RCE1: variants seen among roughly 807,000 people sequenced by gnomAD.
The protein encoded by RCE1 is Ras converting CAAX endopeptidase 1, also known as CAAX prenyl protease 2.
A neutral mutation model predicts 35.0 loss-of-function variants in RCE1; 15 were observed. The ratio of observed to expected loss-of-function variants is 0.43; its 90% confidence interval spans 0.29 to 0.66. The LOEUF is 0.66. Ranked by LOEUF, RCE1 falls within the 30% of genes least tolerant of loss-of-function variation. The probability of loss-of-function intolerance (pLI) is 0.17; values close to 1 mark genes in which losing one functional copy is unlikely to be tolerated. For synonymous variants in RCE1, 261 were observed against 192.7 expected (o/e 1.35, Z -2.94); for missense variants, 434 against 433.0 (o/e 1.00, Z -0.02).
rs1280658939 is a variant in RCE1, at chr11:66,845,964, G to A, written c.859G>A (p.Gly287Ser). The A allele has an allele frequency of 6.2e-7, 1 of 1,613,880 alleles. No homozygotes were observed. Among genetic ancestry groups the A allele is most frequent in the East Asian group, 2.2e-5 (1 of 44,886 alleles). ...CCCACAGAGGCGGCCCCTGCTGGCA[G>A]GCTATGCCCTGGGTGTGGGACTCTT... ...EHPQRRPLLA[G>S]YALGVGLFLL... Residue 287 changes from glycine to serine, a missense_variant, in exon 8 of 8, where the codon GGC (glycine) becomes AGC (serine). Transcript: ENST00000309657.
rs778528982 is a variant in RCE1, at chr11:66,843,686, C to T, written c.185+46C>T. 58 of 1,602,976 alleles carry T rather than the reference C, an allele frequency of 3.6e-5. 1 individual carries two copies. The highest frequency in any genetic ancestry group is 3.9e-5 in the Non-Finnish European group (46 of 1,175,464). On this transcript the variant is annotated intron_variant, in intron 1 of 7. Transcript: ENST00000309657. ...CGGAATCCGCGCCCTGCGGGCGGAG[C>T]TTGGGCGAGCCGGGGGCGGGTCCGT...
intron 6 of RCE1, 35 bp downstream of exon 6, chr11:66,845,272 A>T: frequency 6.2e-7 from 1 of 1,613,928 alleles, no homozygotes; most frequent in Non-Finnish European, 8.5e-7. Context: ...GTTAGGGTGT[A>T]TGATGATGTC....
intron 7 of RCE1, 105 bp downstream of exon 7, chr11:66,845,667 G>C: frequency 2.6e-6 from 4 of 1,562,918 alleles, no homozygotes; most frequent in South Asian, 1.1e-5. Flanking sequence ...TCCAGTCCTT[G>C]AGACAGGCTG....
chr11:66,843,770 C>T lies in RCE1; in HGVS notation c.197C>T (p.Ala66Val), dbSNP rs545064317. ...TGTCCCCTCCGTAGGGACCATCCCG[C>T]GGTCATCAAGCGACGCTTCACCAGC... ...WKSELPRDHP[A>V]VIKRRFTSVL... The change falls in exon 2 of 8, where the codon GCG (alanine) becomes GTG (valine). Residue 66 changes from alanine to valine, a missense_variant. By Grantham distance (64) the Ala-to-Val change is moderately conservative (BLOSUM62 0). Coordinates refer to ENST00000309657, the MANE Select transcript of RCE1 (RefSeq NM_005133.3). The T allele has an allele frequency of 2.2e-5, 36 of 1,613,738 alleles. No individual in the cohort carries two copies. The South Asian group carries it at 3.0e-4, about 13-fold the overall frequency.
At position 66,846,535 on chromosome 11, in the gene RCE1, T is replaced by TA. The variant is rs1300423094; in HGVS notation, c.*440_*441insA. On this transcript the variant is annotated 3_prime_UTR_variant, in exon 8 of 8. Coordinates refer to ENST00000309657, the MANE Select transcript of RCE1 (RefSeq NM_005133.3). ...AGATTTAACTTGGGTAACATGGCCT[T>TA]GGGCCTTTGGGAATCGGTCTATTTG... The TA allele has an allele frequency of 6.3e-6, 1 of 159,072 alleles. No individual in the cohort carries two copies. The highest frequency in any genetic ancestry group is 1.4e-5 in the Non-Finnish European group (1 of 72,576). The allele number at this position is 159,072 out of a possible 1,614,324, so 9.9% of individuals were successfully genotyped here.
At position 66,844,057 on chromosome 11, in the gene RCE1, ATTT is replaced by A; in HGVS notation, c.372+22_372+24del. ...TGACCATGGTGAGTGCTCCTGCTGT[ATTT>A]TTTCTTCTGGTCTTTGTTATCAGCC... On this transcript the variant is annotated intron_variant, in intron 3 of 7. Transcript: ENST00000309657. The A allele has an allele frequency of 6.2e-7, 1 of 1,613,500 alleles. No homozygotes were observed. The highest frequency in any genetic ancestry group is 8.5e-7 in the Non-Finnish European group (1 of 1,179,934).
rs201456801 is a variant in RCE1, at chr11:66,846,013, C to T, written c.908C>T (p.Thr303Met). Residue 303 changes from threonine to methionine, a missense_variant, in exon 8 of 8, where the codon ACG becomes ATG. Physicochemically the swap from Thr to Met is moderately conservative, Grantham distance 81 (BLOSUM62 -1). Coordinates refer to ENST00000309657, the MANE Select transcript of RCE1 (RefSeq NM_005133.3). ...GLFLLLLQPL[T>M]DPKLYGSLPL... ...TTCCTGCTTCTGCTCCAGCCCCTCA[C>T]GGACCCCAAGCTCTACGGCAGCCTT... The T allele has an allele frequency of 9.9e-6, 16 of 1,613,910 alleles. No individual in the cohort carries two copies. The Admixed American group carries it at 1.2e-4, about 12-fold the overall frequency.
In RCE1 at chr11:66,843,998, G is replaced by A; in HGVS notation, c.331G>A (p.Gly111Ser). The A allele has an allele frequency of 6.2e-7, 1 of 1,614,136 alleles. No homozygotes were observed. Among genetic ancestry groups the A allele is most frequent in the African/African-American group, 1.3e-5 (1 of 75,042 alleles). The change falls in exon 3 of 8, where the codon GGC becomes AGC. Residue 111 changes from glycine to serine, a missense_variant. By Grantham distance (56) the Gly-to-Ser change is moderately conservative (BLOSUM62 0). Transcript: ENST00000309657. ...CACCCTGATGGGCTTCAGGCTGGAG[G>A]GCATTTTCCCAGCGGCGCTGCTGCC... ...LLTLMGFRLE[G>S]IFPAALLPLL...
chr11:66,846,081 C>T lies in RCE1; in HGVS notation c.976C>T (p.Pro326Ser), dbSNP rs1420535898. 2 of 1,609,334 alleles carry T rather than the reference C, an allele frequency of 1.2e-6. No homozygotes were observed. Among genetic ancestry groups the T allele is most frequent in the South Asian group, 1.1e-5 (1 of 90,806 alleles). ...GGAGCGGGCAGGGGACTCAGAGGCTCCCCTGTGCTCCTGACCTATGCTCCT... is the reference window on the plus strand; with the variant it reads ...GGAGCGGGCAGGGGACTCAGAGGCTTCCCTGTGCTCCTGACCTATGCTCCT... ...LLERAGDSEA[P>S]LCS Residue 326 changes from proline (P) to serine (S), a missense_variant, in exon 8 of 8, where the codon CCC becomes TCC. Pro to Ser is a moderately conservative substitution (Grantham distance 74, BLOSUM62 -1). Transcript: ENST00000309657.
At chr11:66,844,150 T>C (rs1277307536) in intron 3 of RCE1, 111 bp downstream of exon 3, 4 of 1,589,128 alleles carry the variant, frequency 2.5e-6, no homozygotes, top group Non-Finnish European at 3.4e-6. Context: ...ACTTTTGAGA[T>C]GGCCCCAGGG....
At position 66,845,228 on chromosome 11, in the gene RCE1, T is replaced by C; in HGVS notation, c.682T>C (p.Leu228=). The change falls in exon 6 of 8, where the codon TTG becomes CTG. Residue 228 remains leucine, a synonymous_variant. Transcript: ENST00000309657. ...CCAGAGCAGCGTGGGGAACATCTTCTTGTCTGCTGGTGAGTCCTGGCTAGC... is the reference window on the plus strand; with the variant it reads ...CCAGAGCAGCGTGGGGAACATCTTCCTGTCTGCTGGTGAGTCCTGGCTAGC... The part of the protein sequence containing the change: ...FRQSSVGNIF[L]SAAFQFSYTA... 1 of 1,614,236 alleles carries C rather than the reference T, an allele frequency of 6.2e-7. No individual in the cohort carries two copies. Among genetic ancestry groups the C allele is most frequent in the Non-Finnish European group, 8.5e-7 (1 of 1,180,044 alleles).
intron 4 of RCE1, 58 bp downstream of exon 4, chr11:66,844,422 G>T: frequency 6.3e-7 from 1 of 1,596,192 alleles, no homozygotes; most frequent in South Asian, 1.1e-5. Context: ...CATTGGGGCA[G>T]GGAGTCAGCG....
intron 4 of RCE1, 101 bp downstream of exon 4, chr11:66,844,465 C>T (rs574265606): frequency 5.5e-6 from 8 of 1,459,752 alleles, no homozygotes; most frequent in Non-Finnish European, 5.7e-6. Flanking sequence ...CGTGAAATGT[C>T]ATCTCTCTGG....
At chr11:66,843,901 C>G in intron 2 of RCE1, 40 bp downstream of exon 2, 1 of 1,613,986 alleles carries the variant, frequency 6.2e-7, no homozygotes, top group Non-Finnish European at 8.5e-7. Flanking sequence ...GCGGTGAGAG[C>G]TCAGGGGTCT....
rs1945213102 is a variant in RCE1, at chr11:66,846,505, TAA to T, written c.*412_*413del. 1 of 158,814 alleles carries T rather than the reference TAA, an allele frequency of 6.3e-6. No homozygotes were observed. Among genetic ancestry groups the T allele is most frequent in the African/African-American group, 2.5e-5 (1 of 39,350 alleles). 9.8% of individuals were successfully genotyped at this position (158,814 alleles called of 1,614,324 possible). On this transcript the variant is annotated 3_prime_UTR_variant, in exon 8 of 8. Transcript: ENST00000309657. Reference sequence around the variant, plus strand: ...GCATCAGTACTTTGTATTGGGATATTAAAGAGATTTAACTTGGGTAACATGGC... The same window carrying T: ...GCATCAGTACTTTGTATTGGGATATTAGAGATTTAACTTGGGTAACATGGC...
chr11:66,843,509 G>C lies in RCE1; in HGVS notation c.54G>C (p.Glu18Asp), dbSNP rs1258918933. Residue 18 changes from glutamate to aspartate, a missense_variant, in exon 1 of 8, where the codon GAG (glutamate) becomes GAC (aspartate). Transcript: ENST00000309657. ...GLRLLSVSRPERPPESAALGG... is the reference protein window; with the variant it reads ...GLRLLSVSRPDRPPESAALGG... The stretch of plus-strand genomic sequence containing the variant: ...GACTGCTGTCGGTGTCGCGGCCGGA[G>C]CGGCCGCCCGAGTCGGCGGCGCTGG... 1 of 1,494,078 alleles carries C rather than the reference G, an allele frequency of 6.7e-7. No individual in the cohort carries two copies. Among genetic ancestry groups the C allele is most frequent in the Non-Finnish European group, 8.8e-7 (1 of 1,132,160 alleles). The allele number at this position is 1,494,078 out of a possible 1,614,324, so 92.6% of individuals were successfully genotyped here. A position where few individuals can be genotyped will look rare whatever the true frequency, so the allele number is the denominator to read the frequency against.
chr11:66,844,578 G>T (rs1945167191), intron 4 of RCE1: 1 of 748,158 alleles, frequency 1.3e-6, no homozygotes, highest in East Asian at 2.7e-5. Context: ...GCAGTATTTG[G>T]TGTGGATCAG....
Position 66,843,799 on chromosome 11 carries a change from C to T in RCE1, c.226C>T (p.Leu76=), listed in dbSNP as rs1205663919. The T allele has an allele frequency of 1.2e-6, 2 of 1,613,914 alleles. No individual in the cohort carries two copies. The highest frequency in any genetic ancestry group is 1.7e-5 in the Admixed American group (1 of 60,006). The change falls in exon 2 of 8, where the codon CTG becomes TTG. Residue 76 remains leucine, a synonymous_variant. Coordinates refer to ENST00000309657, the MANE Select transcript of RCE1 (RefSeq NM_005133.3). ...AVIKRRFTSV[L]VVSSLSPLCV... The stretch of plus-strand genomic sequence containing the variant: ...CATCAAGCGACGCTTCACCAGCGTC[C>T]TGGTGGTGTCCAGTCTCTCACCCCT...
rs2135772308 is a variant in RCE1 at position 66,846,217 on chromosome 11, A to G, written c.*122A>G. 3 of 1,265,418 alleles carry G rather than the reference A, an allele frequency of 2.4e-6. No homozygotes were observed. The highest frequency in any genetic ancestry group is 2.5e-5 in the East Asian group (1 of 40,016). The allele number at this position is 1,265,418 out of a possible 1,614,324, so 78.4% of individuals were successfully genotyped here. On this transcript the variant is annotated 3_prime_UTR_variant, in exon 8 of 8. Coordinates refer to ENST00000309657, the MANE Select transcript of RCE1 (RefSeq NM_005133.3). The stretch of plus-strand genomic sequence containing the variant: ...CTCAGGAATTTTTGTAGGGGATTGA[A>G]GCCAGAGCTAGTTGCGTCCCAGGGA...
Sources: allele counts gnomAD v4.1 joint callset, GRCh38; gene constraint gnomAD v4.1.1; transcripts MANE v1.5; gene names NCBI Gene and HGNC (gene_info 2026-07-23, HGNC 2026-07-21).